Variants in RPRD2 observed in about 807,000 individuals in gnomAD.
RPRD2 encodes regulation of nuclear pre-mRNA domain containing 2.
RPRD2 carries 12 observed loss-of-function variants against 104.4 expected under a neutral mutation model. The observed-to-expected ratio is 0.11, with a 90% CI of 0.07 to 0.19. The LOEUF (loss-of-function observed/expected upper bound fraction) is 0.19. Ranked by LOEUF, RPRD2 falls within the 10% of genes least tolerant of loss-of-function variation. The pLI, the probability that RPRD2 is intolerant of heterozygous loss-of-function variation, is 1.00. For synonymous variants in RPRD2, 714 were observed against 684.9 expected, an observed-to-expected ratio of 1.04 and a Z score of -0.66; for missense variants, 1,543 against 1,790.1, an observed-to-expected ratio of 0.86 and a Z score of 2.49.
rs1054112669 is a variant in RPRD2 at position 150,473,509 on chromosome 1, A to G, written c.*175A>G. The G allele has an allele frequency of 7.8e-6, 3 of 386,186 alleles. No individual in the cohort carries two copies. The highest frequency in any genetic ancestry group is 8.7e-5 in the Admixed American group (2 of 23,018). 23.9% of individuals were successfully genotyped at this position (386,186 alleles called of 1,614,324 possible). On this transcript the variant is annotated 3_prime_UTR_variant, in exon 11 of 11. Transcript: ENST00000369068. ...CGCTTACGTTTTACTATTCAATTCA[A>G]TCCTCCCTCCCATTGCACTTATCTA...
chr1:150,383,293 C>T (rs1661282476), intron 1 of RPRD2, among the ~76,000 whole-genome samples: 1 of 151,126 alleles, frequency 6.6e-6, no homozygotes, highest in Non-Finnish European at 1.5e-5. Flanking sequence ...CGAGACCTGG[C>T]CTCAAATAAG....
intron 1 of RPRD2, among the ~76,000 whole-genome samples, chr1:150,391,620 A>C (rs1166544938): frequency 6.6e-6 from 1 of 152,266 alleles, no homozygotes; most frequent in African/African-American, 2.4e-5. Flanking sequence ...TTAAAAAGCC[A>C]GGACAGGCCG....
intron 1 of RPRD2, among the ~76,000 whole-genome samples, chr1:150,377,166 A>G (rs1572349753): frequency 6.6e-6 from 1 of 151,244 alleles, no homozygotes; most frequent in Non-Finnish European, 1.5e-5. Context: ...AGCTGAGATT[A>G]CGCCACTACA....
At chr1:150,436,976 T>C (rs1553893285) in intron 2 of RPRD2, among the ~76,000 whole-genome samples, 2 of 152,158 alleles carry the variant, frequency 1.3e-5, no homozygotes, top group Non-Finnish European at 2.9e-5. Context: ...AAGTCCGAGA[T>C]GGGAAGATCT....
intron 1 of RPRD2, among the ~76,000 whole-genome samples, chr1:150,379,693 C>T (rs1352836374): frequency 1.3e-5 from 2 of 152,142 alleles, no homozygotes; most frequent in Non-Finnish European, 2.9e-5. Context: ...TGAGCCACTA[C>T]GCCTGGCAAA....
intron 2 of RPRD2, among the ~76,000 whole-genome samples, chr1:150,433,481 G>C (rs1276454381): frequency 1.3e-4 from 15 of 113,928 alleles, no homozygotes; most frequent in Non-Finnish European, 2.1e-4. Context: ...GTCTCGCTCT[G>C]TCACCCAGGC....
chr1:150,469,966 A>G (rs1668497321), intron 10 of RPRD2, among the ~76,000 whole-genome samples: 1 of 152,172 alleles, frequency 6.6e-6, no homozygotes. Context: ...TGTTTTTCAA[A>G]AAGTAACAAC....
chr1:150,461,722 T>C (rs1450005835), intron 9 of RPRD2, among the ~76,000 whole-genome samples: 1 of 152,118 alleles, frequency 6.6e-6, no homozygotes, highest in Non-Finnish European at 1.5e-5. Context: ...GGCTCACACC[T>C]GTAATCCCAG....
chr1:150,377,195 G>A (rs1660765373), intron 1 of RPRD2, among the ~76,000 whole-genome samples: 1 of 151,704 alleles, frequency 6.6e-6, no homozygotes, highest in Non-Finnish European at 1.5e-5. Context: ...TGGTGACAGA[G>A]CGAGACTATC....
rs1237865705 is a variant in RPRD2, at chr1:150,472,104, T to G, written c.3156T>G (p.Thr1052=). 4 of 1,613,860 alleles carry G rather than the reference T, an allele frequency of 2.5e-6. No individual in the cohort carries two copies. In the East Asian group the frequency reaches 8.9e-5, roughly 36 times the overall value. ...SNLTQPSLTA[T]DQQQQEEHYR... ...TCACCCAACCCAGCTTGACCGCCAC[T>G]GATCAGCAGCAACAAGAAGAGCACT... Residue 1052 remains threonine (T), a synonymous_variant, in exon 11 of 11, where the codon ACT becomes ACG. Coordinates refer to ENST00000369068, the MANE Select transcript of RPRD2 (RefSeq NM_015203.5).
intron 7 of RPRD2, among the ~76,000 whole-genome samples, chr1:150,452,661 CTTTTTTTTTTT>C (rs782322743): frequency 1.4e-5 from 1 of 71,220 alleles, no homozygotes; most frequent in Admixed American, 1.9e-4. Flanking sequence ...GACATATCCC[CTTTTTTTTTTT>C]TTTTTTTTTT....
intron 2 of RPRD2, among the ~76,000 whole-genome samples, chr1:150,428,948 G>A (rs1351458544): frequency 2.0e-5 from 3 of 151,708 alleles, no homozygotes; most frequent in East Asian, 1.9e-4. Context: ...CTATAAGGTC[G>A]CTGTTGAACA....
At position 150,472,815 on chromosome 1, in the gene RPRD2, T is replaced by C. The variant is rs1450465957; in HGVS notation, c.3867T>C (p.Phe1289=). Residue 1289 remains phenylalanine, a synonymous_variant, in exon 11 of 11, where the codon TTT becomes TTC. Transcript: ENST00000369068. ...HSSSGGSGVP[F]STPPPPPPPV... Reference sequence around the variant, plus strand: ...GCAGTGGTGGGAGTGGTGTCCCCTTTTCTACTCCACCCCCTCCTCCACCCC... The same window carrying C: ...GCAGTGGTGGGAGTGGTGTCCCCTTCTCTACTCCACCCCCTCCTCCACCCC... The C allele has an allele frequency of 1.2e-6, 2 of 1,610,644 alleles. No homozygotes were observed. Among genetic ancestry groups the C allele is most frequent in the South Asian group, 2.2e-5 (2 of 90,782 alleles).
At position 150,395,315 on chromosome 1, in the gene RPRD2, C is replaced by T. The variant is rs587608827; in HGVS notation, c.206-22281C>T. On this transcript the variant is annotated intron_variant, in intron 1 of 10. Transcript: ENST00000369068. ...TAGTAGCCTCCAATCTCATCCAGGT[C>T]GCTGCTAATGCAATTAATTCATTCC... Among the ~76,000 whole-genome samples the T allele has an allele frequency of 1.5e-4, 22 of 151,422 alleles. No homozygotes were observed. The South Asian group carries it at 3.3e-3, about 23-fold the overall frequency.
chr1:150,410,774 A>T (rs1663834718), intron 1 of RPRD2, among the ~76,000 whole-genome samples: 1 of 152,200 alleles, frequency 6.6e-6, no homozygotes, highest in Admixed American at 6.5e-5. Context: ...ATAACAAAAT[A>T]CCACAGACTG....
intron 2 of RPRD2, 42 bp from the exon 3 acceptor site, chr1:150,440,881 T>A (rs1553894288): frequency 4.2e-6 from 4 of 942,166 alleles, no homozygotes; most frequent in Non-Finnish European, 6.5e-6. Flanking sequence ...GGAGTAGAAG[T>A]CAAGGTTTTT....
At chr1:150,451,867 G>A (rs1243396191) in intron 7 of RPRD2, among the ~76,000 whole-genome samples, 1 of 151,492 alleles carries the variant, frequency 6.6e-6, no homozygotes, top group African/African-American at 2.4e-5. Flanking sequence ...CTGGCTGGGT[G>A]CAATGGCTCA....
At chr1:150,444,950 G>A (rs1666659705) in intron 6 of RPRD2, among the ~76,000 whole-genome samples, 1 of 152,206 alleles carries the variant, frequency 6.6e-6, no homozygotes, top group African/African-American at 2.4e-5. Flanking sequence ...ACTTTGGGAA[G>A]CCAGGGCAGG....
In RPRD2 at chr1:150,438,948, C is replaced by T. The variant is rs371545644; in HGVS notation, c.336-1975C>T. Among the ~76,000 whole-genome samples the T allele has an allele frequency of 2.6e-5, 4 of 152,126 alleles. No homozygotes were observed. The East Asian group carries it at 5.8e-4, about 22-fold the overall frequency. The stretch of plus-strand genomic sequence containing the variant: ...CTCCTTGGTTCAAGCAATTCTCCTG[C>T]CTCAGCGTCCCGAGTAGCTGGGATT... On this transcript the variant is annotated intron_variant, in intron 2 of 10. Transcript: ENST00000369068.
Sources: gnomAD v4.1 joint callset for allele counts (sites outside exome capture counted in the v4.1 genomes callset) on GRCh38, gnomAD v4.1.1 for gene constraint, MANE v1.5 for transcripts, NCBI Gene and HGNC (gene_info 2026-07-23, HGNC 2026-07-21) for gene names.